ANO3: variants seen among roughly 807,000 people sequenced by gnomAD.
The protein encoded by ANO3 is anoctamin 3, also known as anoctamin-3.
A neutral mutation model predicts 144.8 loss-of-function variants in ANO3; 99 were observed. The ratio of observed to expected loss-of-function variants is 0.68; its 90% CI spans 0.58 to 0.81. The LOEUF (loss-of-function observed/expected upper bound fraction) is 0.81. ANO3 is among the 30% of genes least tolerant of loss of function. The pLI is 0.00. For synonymous variants in ANO3, 414 were observed against 392.6 expected (o/e 1.05, Z -0.64); for missense variants, 905 against 1,202.2 (o/e 0.75, Z 3.66).
At chr11:26,193,070 C>T (rs1590185552) in intron 1 of ANO3, among the ~76,000 whole-genome samples, 1 of 151,654 alleles carries the variant, frequency 6.6e-6, no homozygotes, top group Non-Finnish European at 1.5e-5. Context: ...CTAATGCTCT[C>T]CCTGCCGTTG....
chr11:26,283,326 AT>A lies in ANO3; in HGVS notation c.155-26318del, dbSNP rs1853724145. ...CCAAAATAAACAAATAAATAAATATATATATATATATATATATATATATATA... is the reference window on the plus strand; with the variant it reads ...CCAAAATAAACAAATAAATAAATATAATATATATATATATATATATATATA... On this transcript the variant is annotated intron_variant, in intron 1 of 27. Coordinates refer to the ANO3 transcript ENST00000672621. Among the ~76,000 whole-genome samples, 14 of 19,330 alleles carry A rather than the reference AT, an allele frequency of 7.2e-4. No homozygotes were observed. The East Asian group carries it at 9.1e-3, about 13-fold the overall frequency. 12.7% of individuals were successfully genotyped at this position (19,330 alleles called of 152,430 possible).
intron 4 of ANO3, among the ~76,000 whole-genome samples, chr11:26,478,978 A>G (rs1860091854): frequency 6.6e-6 from 1 of 152,228 alleles, no homozygotes; most frequent in Non-Finnish European, 1.5e-5. Flanking sequence ...GCTTAAATAA[A>G]GTCTGTCAAG....
chr11:26,608,654 T>A (rs1416354294), intron 17 of ANO3, among the ~76,000 whole-genome samples: 3 of 151,608 alleles, frequency 2.0e-5, no homozygotes, highest in African/African-American at 7.3e-5. Flanking sequence ...GTTATTGGAG[T>A]TCCTGCAGAG....
chr11:26,339,445 G>A lies in ANO3; in HGVS notation c.46+7124G>A, dbSNP rs145033550. 4.6e-3 allele frequency among the ~76,000 whole-genome samples: 706 copies of A among 152,168 alleles called. 11 individuals carry two copies. The highest frequency in any genetic ancestry group is 0.016 in the African/African-American group (652 of 41,532). On this transcript the variant is annotated intron_variant, in intron 1 of 26. Coordinates refer to ENST00000256737, the MANE Select transcript of ANO3 (RefSeq NM_031418.4). ...CTGGGAATTACAGGCGTGAACCACC[G>A]CGCCTGGCCCAAAGTCCACATTTGT... is the stretch of plus-strand genomic sequence containing the variant.
intron 17 of ANO3, among the ~76,000 whole-genome samples, chr11:26,603,300 A>C (rs1265315409): frequency 1.3e-5 from 2 of 152,018 alleles, no homozygotes; most frequent in Non-Finnish European, 2.9e-5. Context: ...TTTTCTTTAC[A>C]TGTTGTCTAA....
At chr11:26,245,811 G>A (rs1852777724) in intron 1 of ANO3, among the ~76,000 whole-genome samples, 1 of 152,132 alleles carries the variant, frequency 6.6e-6, no homozygotes. Flanking sequence ...GGGGAAATGT[G>A]GATGATTTTA....
chr11:26,457,730 C>G (rs1005285693), intron 3 of ANO3, among the ~76,000 whole-genome samples: 1 of 152,032 alleles, frequency 6.6e-6, no homozygotes, highest in African/African-American at 2.4e-5. Flanking sequence ...ACTATGTCAG[C>G]CTTTGTTCTT....
chr11:26,609,309 A>G (rs1268691253), intron 17 of ANO3, among the ~76,000 whole-genome samples: 1 of 151,724 alleles, frequency 6.6e-6, no homozygotes, highest in East Asian at 2.0e-4. Flanking sequence ...TTGCAGGTGT[A>G]GGATTCACAT....
At chr11:26,550,554 G>A (rs1399789583) in intron 12 of ANO3, among the ~76,000 whole-genome samples, 1 of 151,860 alleles carries the variant, frequency 6.6e-6, no homozygotes, top group African/African-American at 2.4e-5. Context: ...AATTCACTTA[G>A]CATAATTTCC....
At chr11:26,604,397 T>C (rs1338568418) in intron 17 of ANO3, among the ~76,000 whole-genome samples, 2 of 152,222 alleles carry the variant, frequency 1.3e-5, no homozygotes, top group African/African-American at 4.8e-5. Flanking sequence ...CTATACGGGC[T>C]CTTCTTTGGT....
Position 26,500,017 on chromosome 11 carries a change from A to G in ANO3, c.433-8087A>G, listed in dbSNP as rs181097533. ...ATTGATTAATCTATTTTTCATCTCT[A>G]TGTATTTACCTACTATTCAGTTTTA... On this transcript the variant is annotated intron_variant, in intron 4 of 26. Transcript: ENST00000256737. Among the ~76,000 whole-genome samples, 461 of 151,982 alleles carry G rather than the reference A, an allele frequency of 3.0e-3. 5 individuals are homozygous for G. The highest frequency in any genetic ancestry group is 0.01 in the African/African-American group (424 of 41,528).
intron 3 of ANO3, among the ~76,000 whole-genome samples, chr11:26,462,397 A>T (rs1859434151): frequency 6.6e-6 from 1 of 151,866 alleles, no homozygotes; most frequent in Non-Finnish European, 1.5e-5. Context: ...ATTTTACATT[A>T]ATTACAGCTT....
chr11:26,654,223 A>G (rs1446219869), intron 24 of ANO3, among the ~76,000 whole-genome samples: 1 of 152,158 alleles, frequency 6.6e-6, no homozygotes, highest in Admixed American at 6.6e-5. Flanking sequence ...TTGACATTTT[A>G]ACAACCAATC....
chr11:26,510,605 A>C (rs1861626594), intron 5 of ANO3, among the ~76,000 whole-genome samples: 1 of 152,204 alleles, frequency 6.6e-6, no homozygotes, highest in African/African-American at 2.4e-5. Flanking sequence ...CTATTTATTC[A>C]TTCAGCACAT....
intron 1 of ANO3, among the ~76,000 whole-genome samples, chr11:26,357,540 T>C (rs1185671881): frequency 6.6e-6 from 1 of 152,012 alleles, no homozygotes; most frequent in East Asian, 1.9e-4. Flanking sequence ...TTTTTTTAAA[T>C]CAGGTCATCA....
chr11:26,639,788 C>T (rs1468049685), intron 21 of ANO3, among the ~76,000 whole-genome samples: 1 of 152,102 alleles, frequency 6.6e-6, no homozygotes, highest in Non-Finnish European at 1.5e-5. Context: ...TTTTAGCTGC[C>T]TGTGAAATGC....
At chr11:26,534,695 T>C (rs776840158) in intron 9 of ANO3, 133 bp downstream of exon 9, 18 of 492,746 alleles carry the variant, frequency 3.7e-5, no homozygotes, top group Middle Eastern at 5.5e-4. Flanking sequence ...ACACACACTC[T>C]ATAAGCATTC....
intron 4 of ANO3, among the ~76,000 whole-genome samples, chr11:26,492,679 T>G (rs536220269): frequency 6.6e-6 from 1 of 152,362 alleles, no homozygotes; most frequent in East Asian, 1.9e-4. Flanking sequence ...TCTTCATCGC[T>G]AGATTTTGAG....
chr11:26,452,389 G>A (rs538750722), intron 3 of ANO3, among the ~76,000 whole-genome samples: 10 of 152,294 alleles, frequency 6.6e-5, no homozygotes, highest in African/African-American at 2.4e-4. Context: ...GCTTAAAGGA[G>A]CTGATGGAGC....
Sources: gnomAD v4.1 joint callset for allele counts (sites outside exome capture counted in the v4.1 genomes callset) on GRCh38, gnomAD v4.1.1 for gene constraint, MANE v1.5 for transcripts, NCBI Gene and HGNC (gene_info 2026-07-23, HGNC 2026-07-21) for gene names.